The following CHD1L variants were observed in gnomAD, a reference collection of about 807,000 sequenced individuals.
CHD1L encodes the protein ATP-dependent chromatin remodeler CHD1L.
A neutral mutation model predicts 115.9 loss-of-function variants in CHD1L; 118 were observed. The ratio of observed to expected loss-of-function variants is 1.02; its 90% CI spans 0.88 to 1.19. CHD1L has a LOEUF of 1.19. Among genes scored for constraint, CHD1L ranks in the 50% most tolerant of loss-of-function variants. CHD1L has a pLI of 0.00. For missense variants in CHD1L, 1,179 were observed against 1,065.3 expected, an observed-to-expected ratio of 1.11 and a Z score of -1.49; for synonymous variants, 411 against 387.1, an observed-to-expected ratio of 1.06 and a Z score of -0.72.
At chr1:147,231,203 T>G in the CHD1L span, among the ~76,000 whole-genome samples, 1 of 152,220 alleles carries the variant, frequency 6.6e-6, no homozygotes, top group South Asian at 2.1e-4. Context: ...TCTGGTACAC[T>G]GTGTCTTTGT....
intron 1 of CHD1L, among the ~76,000 whole-genome samples, chr1:147,248,632 C>T (rs1352167634): frequency 6.6e-6 from 1 of 152,038 alleles, no homozygotes; most frequent in Non-Finnish European, 1.5e-5. Flanking sequence ...CTTTTTCTTG[C>T]CTTCCTGTGA....
the CHD1L span, among the ~76,000 whole-genome samples, chr1:147,218,667 T>C: frequency 6.6e-6 from 1 of 152,232 alleles, no homozygotes; most frequent in African/African-American, 2.4e-5. Context: ...TTTTGAAATT[T>C]AGCACATTTC....
intron 11 of CHD1L, 77 bp downstream of exon 11, chr1:147,271,082 TG>T: frequency 8.3e-7 from 1 of 1,203,086 alleles, no homozygotes; most frequent in Non-Finnish European, 1.2e-6. Flanking sequence ...AAGAATAATA[TG>T]GGATATGAGA....
intron 6 of CHD1L, among the ~76,000 whole-genome samples, chr1:147,263,282 T>C (rs1451951449): frequency 6.6e-6 from 1 of 151,716 alleles, no homozygotes; most frequent in Non-Finnish European, 1.5e-5. Context: ...TTTAAGAAAT[T>C]AGCTGAATGT....
chr1:147,221,271 A>C, the CHD1L span, among the ~76,000 whole-genome samples: 3 of 152,200 alleles, frequency 2.0e-5, no homozygotes, highest in Admixed American at 2.0e-4. Context: ...ATCTGAATAA[A>C]GTATGGACTT....
chr1:147,193,829 T>C, the CHD1L span, among the ~76,000 whole-genome samples: 5,616 of 152,144 alleles, frequency 0.037, 157 homozygotes, highest in South Asian at 0.095. Context: ...GAGTGAGTTT[T>C]TTAGTCCTGA....
intron 1 of CHD1L, among the ~76,000 whole-genome samples, chr1:147,248,653 C>T (rs1553934899): frequency 6.6e-6 from 1 of 152,056 alleles, no homozygotes; most frequent in African/African-American, 2.4e-5. Flanking sequence ...ATTATTTGAA[C>T]ATTTTTTAGA....
At chr1:147,273,501 C>G (rs1677078919) in intron 12 of CHD1L, among the ~76,000 whole-genome samples, 1 of 152,254 alleles carries the variant, frequency 6.6e-6, no homozygotes, top group Non-Finnish European at 1.5e-5. Context: ...CATTTGGCCT[C>G]ACTCTTCCAA....
chr1:147,224,746 G>C, the CHD1L span: 1 of 684,752 alleles, frequency 1.5e-6, no homozygotes, highest in Non-Finnish European at 2.5e-6. Flanking sequence ...GCCTGACCTC[G>C]TGATCCGCCC....
the CHD1L span, among the ~76,000 whole-genome samples, chr1:147,180,500 C>T: frequency 6.6e-6 from 1 of 152,162 alleles, no homozygotes; most frequent in East Asian, 1.9e-4. Flanking sequence ...GCCATTCCGG[C>T]CAGGATGGTT....
chr1:147,190,714 G>T, the CHD1L span, among the ~76,000 whole-genome samples: 2 of 151,984 alleles, frequency 1.3e-5, no homozygotes, highest in Non-Finnish European at 2.9e-5. Context: ...TTAAGTTTTA[G>T]GGTACATGTG....
upstream of CHD1L, among the ~76,000 whole-genome samples, chr1:147,241,314 C>G (rs1004759718): frequency 1.2e-4 from 19 of 152,258 alleles, no homozygotes; most frequent in African/African-American, 3.9e-4. Context: ...CCGTCTTTGC[C>G]TTAAGTAATG....
At chr1:147,214,285 C>A in the CHD1L span, among the ~76,000 whole-genome samples, 3 of 152,000 alleles carry the variant, frequency 2.0e-5, no homozygotes, top group African/African-American at 7.3e-5. Context: ...AACCCCGTCT[C>A]TACTACAAAT....
At chr1:147,180,038 A>G in the CHD1L span, among the ~76,000 whole-genome samples, 12 of 151,962 alleles carry the variant, frequency 7.9e-5, no homozygotes, top group Admixed American at 6.6e-5. Flanking sequence ...AATTGTCATA[A>G]TGTTGTGTGA....
the CHD1L span, among the ~76,000 whole-genome samples, chr1:147,232,792 C>T: frequency 6.6e-6 from 1 of 152,218 alleles, no homozygotes; most frequent in Admixed American, 6.5e-5. Context: ...GTGTCTGGTT[C>T]ACTCAGTGCT....
intron 12 of CHD1L, 58 bp from the exon 13 acceptor site, chr1:147,275,296 A>C (rs1389446476): frequency 7.6e-7 from 1 of 1,320,194 alleles, no homozygotes; most frequent in Non-Finnish European, 1.1e-6. Flanking sequence ...CCTTGTGCTT[A>C]TTTTCTAGCT....
the CHD1L span, among the ~76,000 whole-genome samples, chr1:147,233,176 C>T: frequency 5.3e-4 from 81 of 151,406 alleles, no homozygotes; most frequent in Non-Finnish European, 1.0e-3. Flanking sequence ...TGAAGAACGT[C>T]TCTGCCCAGC....
At chr1:147,293,809 GA>G in intron 21 of CHD1L, 87 bp downstream of exon 21, 4 of 1,108,486 alleles carry the variant, frequency 3.6e-6, no homozygotes, top group Non-Finnish European at 5.4e-6. Flanking sequence ...GAAATGTCAA[GA>G]TCCCACTTAA....
At chr1:147,185,945 T>C in the CHD1L span, among the ~76,000 whole-genome samples, 41 of 152,318 alleles carry the variant, frequency 2.7e-4, no homozygotes, top group East Asian at 6.9e-3. Context: ...TGTTCCTACA[T>C]TTAGTTAATA....
Sources: gnomAD v4.1 joint callset for allele counts (sites outside exome capture counted in the v4.1 genomes callset) on GRCh38, gnomAD v4.1.1 for gene constraint, MANE v1.5 for transcripts, NCBI Gene and HGNC (gene_info 2026-07-23, HGNC 2026-07-21) for gene names.